The following C1QTNF6 variants were observed in gnomAD, a reference collection of about 807,000 sequenced individuals.
The protein encoded by C1QTNF6 is C1q and TNF related 6, also known as complement C1q tumor necrosis factor-related protein 6.
In C1QTNF6, 17 loss-of-function variants were observed where a neutral mutation model predicts 20.7. That is an observed-to-expected ratio of 0.82 (90% CI 0.56 to 1.23). C1QTNF6 has a LOEUF of 1.23. Ranked by LOEUF, C1QTNF6 falls within the 50% of genes most tolerant of loss-of-function variation. The pLI is 0.00. For synonymous variants in C1QTNF6, 130 were observed against 156.3 expected (o/e 0.83, Z 1.25); for missense variants, 329 against 389.7 (o/e 0.84, Z 1.31).
At chr22:37,185,595 A>G (rs970592105) in intron 1 of C1QTNF6, 140 bp from the exon 2 acceptor site, 7 of 1,374,336 alleles carry the variant, frequency 5.1e-6, no homozygotes, top group Non-Finnish European at 5.6e-6. Flanking sequence ...GTCCCCATCT[A>G]TCAGACAAGA....
upstream of C1QTNF6, among the ~76,000 whole-genome samples, chr22:37,190,002 T>G (rs1325831357): frequency 6.6e-6 from 1 of 152,212 alleles, no homozygotes; most frequent in Non-Finnish European, 1.5e-5. Flanking sequence ...AATTAGATAC[T>G]GATCCAGATT....
chr22:37,198,531 G>C (rs1601644211), upstream of C1QTNF6, among the ~76,000 whole-genome samples: 1 of 152,072 alleles, frequency 6.6e-6, no homozygotes, highest in East Asian at 1.9e-4. Context: ...AGACAGGACA[G>C]TAAACATGAT....
rs1569061099 is a variant in C1QTNF6, at chr22:37,181,231, A to G, written c.*957T>C. ...AGGGCAGGGGCAGGGCCTGTGTCTG[A>G]CCCCCTCACCCTTCCCGGGACCCAG... is the stretch of plus-strand genomic sequence containing the variant. On this transcript the variant is annotated 3_prime_UTR_variant, in exon 3 of 3. Transcript: ENST00000337843. 1 of 152,342 alleles carries G rather than the reference A, an allele frequency of 6.6e-6. No individual in the cohort carries two copies. Among genetic ancestry groups the G allele is most frequent in the African/African-American group, 2.4e-5 (1 of 41,368 alleles). The allele number at this position is 152,342 out of a possible 1,614,324, so 9.4% of individuals were successfully genotyped here. A position where few individuals can be genotyped will look rare whatever the true frequency, so the allele number is the denominator to read the frequency against.
At chr22:37,187,637 C>G (rs756369254) in intron 1 of C1QTNF6, among the ~76,000 whole-genome samples, 33 of 151,676 alleles carry the variant, frequency 2.2e-4, no homozygotes, top group Admixed American at 5.9e-4. Context: ...GGAAGGAGAA[C>G]TTCTCCCAGA....
chr22:37,192,740 T>C (rs531453390), upstream of C1QTNF6, among the ~76,000 whole-genome samples: 1 of 152,374 alleles, frequency 6.6e-6, no homozygotes, highest in South Asian at 2.1e-4. Context: ...TTAAGCCAAT[T>C]AATCAGAGCT....
At chr22:37,186,126 C>A (rs734139) in intron 1 of C1QTNF6, 2 of 985,214 alleles carry the variant, frequency 2.0e-6, no homozygotes, top group African/African-American at 3.5e-5. Flanking sequence ...GGGTGGTGCG[C>A]GGTGATGGTG....
At chr22:37,198,886 C>T (rs1405532965), upstream of C1QTNF6, among the ~76,000 whole-genome samples, 1 of 152,222 alleles carries the variant, frequency 6.6e-6, no homozygotes, top group Non-Finnish European at 1.5e-5. Flanking sequence ...TTGAACCGCC[C>T]AGGGGCCGGG....
intron 1 of C1QTNF6, among the ~76,000 whole-genome samples, chr22:37,186,519 T>C (rs1924358646): frequency 6.6e-6 from 1 of 152,228 alleles, no homozygotes; most frequent in South Asian, 2.1e-4. Context: ...TAAAAAATTC[T>C]AAAGGATCAG....
At chr22:37,189,547 C>A (rs1016186757), upstream of C1QTNF6, among the ~76,000 whole-genome samples, 5 of 152,180 alleles carry the variant, frequency 3.3e-5, no homozygotes, top group Non-Finnish European at 7.3e-5. Context: ...GAAGATCCAT[C>A]TTCTGTAACT....
chr22:37,183,013 G>A (rs979017476), intron 2 of C1QTNF6: 2 of 864,596 alleles, frequency 2.3e-6, no homozygotes, highest in African/African-American at 3.7e-5. Flanking sequence ...TGTCCCCAGG[G>A]TGACTTGACT....
At chr22:37,188,920 G>C (rs1228692846), upstream of C1QTNF6, among the ~76,000 whole-genome samples, 1 of 152,236 alleles carries the variant, frequency 6.6e-6, no homozygotes, top group East Asian at 1.9e-4. Context: ...TAAGTCCACA[G>C]AGCAAAGTGA....
At position 37,182,083 on chromosome 22, in the gene C1QTNF6, C is replaced by G; in HGVS notation, c.*105G>C. 3 of 1,307,540 alleles carry G rather than the reference C, an allele frequency of 2.3e-6. No homozygotes were observed. Among genetic ancestry groups the G allele is most frequent in the Non-Finnish European group, 3.1e-6 (3 of 972,522 alleles). 81.0% of individuals were successfully genotyped at this position (1,307,540 alleles called of 1,614,324 possible). A position where few individuals can be genotyped will look rare whatever the true frequency, so the allele number is the denominator to read the frequency against. On this transcript the variant is annotated 3_prime_UTR_variant, in exon 3 of 3. Coordinates refer to ENST00000337843, the MANE Select transcript of C1QTNF6 (RefSeq NM_031910.4). ...GGGTCTCCCCAGAATGCCAGGTCCCCGGGGACCTCCCTGGCCTTCCTGCTT... is the reference window on the plus strand; with the variant it reads ...GGGTCTCCCCAGAATGCCAGGTCCCGGGGGACCTCCCTGGCCTTCCTGCTT...
intron 2 of C1QTNF6, 59 bp from the exon 3 acceptor site, chr22:37,182,794 GC>G: frequency 6.7e-7 from 1 of 1,495,042 alleles, no homozygotes; most frequent in Non-Finnish European, 8.9e-7. Flanking sequence ...CCAAGGAGGT[GC>G]CCACACTCAT....
At chr22:37,197,682 C>T (rs1283619951) in exon 1 of C1QTNF6, 1 of 152,282 alleles carries the variant, frequency 6.6e-6, no homozygotes, top group Non-Finnish European at 1.5e-5. Context: ...AGGTGCAGGG[C>T]AGCTGGCAGG....
chr22:37,183,199 A>C (rs1182975030), intron 2 of C1QTNF6, among the ~76,000 whole-genome samples: 1 of 152,226 alleles, frequency 6.6e-6, no homozygotes, highest in Non-Finnish European at 1.5e-5. Flanking sequence ...ACCTGGAGGA[A>C]AAGCCCAGGT....
At chr22:37,199,070 T>C (rs143516110), upstream of C1QTNF6, among the ~76,000 whole-genome samples, 191 of 152,262 alleles carry the variant, frequency 1.3e-3, 1 homozygote, top group African/African-American at 4.4e-3. Context: ...CTGCTGATTG[T>C]TGGAGGGGAA....
At chr22:37,193,735 G>C (rs76471744) in intron 2 of C1QTNF6, among the ~76,000 whole-genome samples, 1,625 of 152,306 alleles carry the variant, frequency 0.011, 24 homozygotes, top group Non-Finnish European at 0.013. Context: ...TTTCAAAGAG[G>C]TGATAAGCAG....
At chr22:37,193,390 A>G (rs781694352) in intron 2 of C1QTNF6, among the ~76,000 whole-genome samples, 44 of 152,294 alleles carry the variant, frequency 2.9e-4, no homozygotes, top group Admixed American at 4.6e-4. Flanking sequence ...GAGAAGTCCC[A>G]GGCTATTAAA....
rs550090022 is a variant in C1QTNF6 at position 37,180,580 on chromosome 22, C to G, written c.*1608G>C. ...CTTCTCCTGCAGGTGTTTGTAAAGG[C>G]AGCACCAGGCCGGAGGAGGGCTCTG... On this transcript the variant is annotated 3_prime_UTR_variant, in exon 3 of 3. Transcript: ENST00000337843. 4 of 152,596 alleles carry G rather than the reference C, an allele frequency of 2.6e-5. No individual in the cohort carries two copies. The highest frequency in any genetic ancestry group is 6.5e-5 in the Admixed American group (1 of 15,286). The allele number at this position is 152,596 out of a possible 1,614,324, so 9.5% of individuals were successfully genotyped here.
Sources: gnomAD v4.1 joint callset for allele counts (sites outside exome capture counted in the v4.1 genomes callset) on GRCh38, gnomAD v4.1.1 for gene constraint, MANE v1.5 for transcripts, NCBI Gene and HGNC (gene_info 2026-07-23, HGNC 2026-07-21) for gene names.